Variants in SYN3 observed in about 807,000 individuals in gnomAD.
SYN3 encodes the protein synapsin III, also known as synapsin-3.
Under a neutral mutation model 65.8 loss-of-function variants are expected in SYN3, and 35 were observed. The ratio of observed to expected loss-of-function variants is 0.53; its 90% CI spans 0.41 to 0.70. The LOEUF (loss-of-function observed/expected upper bound fraction) is 0.70, where lower values mean the gene tolerates loss of function less well. SYN3 is among the 30% of genes least tolerant of loss of function. The probability of loss-of-function intolerance (pLI) is 0.00; values close to 1 mark genes in which losing one functional copy is unlikely to be tolerated. For synonymous variants in SYN3, 270 were observed against 292.9 expected, an observed-to-expected ratio of 0.92 and a Z score of 0.80; for missense variants, 680 against 749.0, an observed-to-expected ratio of 0.91 and a Z score of 1.08.
intron 4 of SYN3, among the ~76,000 whole-genome samples, chr22:32,903,524 G>A (rs1601659452): frequency 6.6e-6 from 1 of 152,150 alleles, no homozygotes; most frequent in South Asian, 2.1e-4. Context: ...GGTAGGGGGA[G>A]GGGGCTTGGG....
intron 7 of SYN3, among the ~76,000 whole-genome samples, chr22:32,561,061 C>T (rs992366713): frequency 9.2e-5 from 14 of 152,274 alleles, no homozygotes; most frequent in African/African-American, 3.4e-4. Flanking sequence ...GGAAAGCCTG[C>T]GGAGGAGCAG....
At chr22:32,969,013 T>C (rs976183731) in intron 3 of SYN3, among the ~76,000 whole-genome samples, 23 of 152,348 alleles carry the variant, frequency 1.5e-4, no homozygotes, top group African/African-American at 4.3e-4. Flanking sequence ...TCCTTCAGAA[T>C]GTCCACTTAA....
At chr22:32,600,693 ATT>A (rs36106259) in intron 6 of SYN3, among the ~76,000 whole-genome samples, 2,295 of 149,750 alleles carry the variant, frequency 0.015, 64 homozygotes, top group African/African-American at 0.052. Context: ...ACTTAATATG[ATT>A]TTTTTTTTTT....
At chr22:32,784,138 G>C (rs1027430753) in intron 6 of SYN3, among the ~76,000 whole-genome samples, 2 of 152,198 alleles carry the variant, frequency 1.3e-5, no homozygotes, top group African/African-American at 4.8e-5. Flanking sequence ...TCTCTACTCT[G>C]TTTGGAGGGT....
Position 32,790,268 on chromosome 22 carries a change from C to T in SYN3, c.711+74647G>A, listed in dbSNP as rs536950149. Reference sequence around the variant, plus strand: ...GTAGCACATCATTATATAATATTTCCACCATACAGAAACAACAGATGAAAG... The same window carrying T: ...GTAGCACATCATTATATAATATTTCTACCATACAGAAACAACAGATGAAAG... On this transcript the variant is annotated intron_variant, in intron 6 of 13. Coordinates refer to ENST00000358763, the MANE Select transcript of SYN3 (RefSeq NM_003490.4). 3.9e-3 allele frequency among the ~76,000 whole-genome samples: 593 copies of T among 152,152 alleles called. 4 individuals are homozygous for T. Among genetic ancestry groups the T allele is most frequent in the South Asian group, 6.8e-3 (33 of 4,824 alleles).
At chr22:32,742,450 C>T (rs1337133516) in intron 6 of SYN3, among the ~76,000 whole-genome samples, 1 of 152,030 alleles carries the variant, frequency 6.6e-6, no homozygotes, top group Non-Finnish European at 1.5e-5. Flanking sequence ...CTTCAATACT[C>T]GCTGGCTTGG....
At position 32,739,593 on chromosome 22, in the gene SYN3, C is replaced by T. The variant is rs73156445; in HGVS notation, c.711+125322G>A. On this transcript the variant is annotated intron_variant, in intron 6 of 13. Coordinates refer to ENST00000358763, the MANE Select transcript of SYN3 (RefSeq NM_003490.4). ...CTGGTCCACACAGGTGTGGCTGTAC[C>T]AGCTGTTAAAATGTTCAGATATTGT... 3.5e-3 allele frequency among the ~76,000 whole-genome samples: 533 copies of T among 152,218 alleles called. 3 individuals are homozygous for T. The highest frequency in any genetic ancestry group is 0.012 in the East Asian group (60 of 5,178).
chr22:32,786,605 A>T (rs130550), intron 6 of SYN3, among the ~76,000 whole-genome samples: 2 of 151,456 alleles, frequency 1.3e-5, no homozygotes, highest in Non-Finnish European at 2.9e-5. Context: ...CTTGTGATCC[A>T]CCCACCTCAG....
chr22:32,933,309 A>G (rs2050686544), intron 3 of SYN3, among the ~76,000 whole-genome samples: 1 of 152,168 alleles, frequency 6.6e-6, no homozygotes, highest in Non-Finnish European at 1.5e-5. Context: ...TTTAATCCTC[A>G]TGCTTGTCCA....
intron 6 of SYN3, among the ~76,000 whole-genome samples, chr22:32,738,888 G>A (rs539639094): frequency 2.4e-4 from 36 of 152,354 alleles, no homozygotes; most frequent in African/African-American, 8.7e-4. Flanking sequence ...TCCCAGGTGA[G>A]TGGGTCTAAT....
At chr22:32,973,952 C>T (rs1200900791) in intron 3 of SYN3, among the ~76,000 whole-genome samples, 2 of 152,306 alleles carry the variant, frequency 1.3e-5, no homozygotes, top group East Asian at 3.9e-4. Context: ...CCACGCCTGG[C>T]TGATTTTTGT....
At chr22:33,030,561 A>G (rs2053731477) in intron 1 of SYN3, among the ~76,000 whole-genome samples, 2 of 151,932 alleles carry the variant, frequency 1.3e-5, no homozygotes, top group South Asian at 4.2e-4. Context: ...AAAAATATAT[A>G]GAGACTGAGA....
At chr22:32,758,157 T>C (rs1263245576) in intron 6 of SYN3, among the ~76,000 whole-genome samples, 1 of 152,216 alleles carries the variant, frequency 6.6e-6, no homozygotes, top group Non-Finnish European at 1.5e-5. Context: ...TATGTAATAG[T>C]ATTTAGGTTG....
rs539726628 is a variant in SYN3 at position 33,007,196 on chromosome 22, C to T, written c.-162-372G>A. 3.3e-5 allele frequency among the ~76,000 whole-genome samples: 5 copies of T among 152,140 alleles called. No individual in the cohort carries two copies. In the South Asian group the frequency reaches 6.2e-4, roughly 19 times the overall value. On this transcript the variant is annotated intron_variant, in intron 1 of 13. Coordinates refer to ENST00000358763, the MANE Select transcript of SYN3 (RefSeq NM_003490.4). ...CTATTTTTAAAGGTGCCCTGAAGAA[C>T]GGATTTTGGTAACAGAAACAATTTC...
chr22:32,710,298 G>T (rs1179243962), intron 6 of SYN3, among the ~76,000 whole-genome samples: 1 of 151,648 alleles, frequency 6.6e-6, no homozygotes, highest in Non-Finnish European at 1.5e-5. Flanking sequence ...CCACCTTGGA[G>T]CTGTTGTCAA....
At chr22:33,036,160 A>G (rs908600097) in intron 1 of SYN3, among the ~76,000 whole-genome samples, 1 of 152,204 alleles carries the variant, frequency 6.6e-6, no homozygotes, top group Admixed American at 6.6e-5. Flanking sequence ...AAGAAAATGT[A>G]TAAAGACTAA....
intron 6 of SYN3, among the ~76,000 whole-genome samples, chr22:32,660,358 G>T (rs1017620920): frequency 6.6e-6 from 1 of 152,208 alleles, no homozygotes; most frequent in Non-Finnish European, 1.5e-5. Flanking sequence ...AGGTCAGTGC[G>T]TCTCTGACAC....
chr22:32,717,826 C>T (rs965362062), intron 6 of SYN3, among the ~76,000 whole-genome samples: 1 of 152,196 alleles, frequency 6.6e-6, no homozygotes, highest in Non-Finnish European at 1.5e-5. Flanking sequence ...GCGGATCTGA[C>T]TTGAAATGGG....
At chr22:32,623,255 T>C (rs2059620460) in intron 6 of SYN3, among the ~76,000 whole-genome samples, 1 of 152,044 alleles carries the variant, frequency 6.6e-6, no homozygotes, top group Admixed American at 6.5e-5. Context: ...GGCATGATCA[T>C]TACTCACTTC....
Sources: allele counts gnomAD v4.1 joint callset (sites outside exome capture counted in the v4.1 genomes callset), GRCh38; gene constraint gnomAD v4.1.1; transcripts MANE v1.5; gene names NCBI Gene and HGNC (gene_info 2026-07-23, HGNC 2026-07-21).